Variants in ORC5 observed in about 807,000 individuals in gnomAD.
ORC5 encodes the protein protein phosphatase 1, regulatory subunit 117.
Under a neutral mutation model 58.8 loss-of-function variants are expected in ORC5, and 39 were observed. That is an observed-to-expected ratio of 0.66 (90% CI 0.51 to 0.87). ORC5 has a LOEUF of 0.87. Among genes scored for constraint, ORC5 ranks in the 40% least tolerant of loss-of-function variants. The pLI is 0.00. For missense variants in ORC5, 493 were observed against 506.3 expected, an observed-to-expected ratio of 0.97 and a Z score of 0.25; for synonymous variants, 218 against 177.6, an observed-to-expected ratio of 1.23 and a Z score of -1.81.
At chr7:104,191,719 T>G (rs1053678517) in intron 5 of ORC5, among the ~76,000 whole-genome samples, 1 of 151,124 alleles carries the variant, frequency 6.6e-6, no homozygotes, top group Non-Finnish European at 1.5e-5. Flanking sequence ...TCAAATTCAT[T>G]AAAAAAAAAT....
chr7:104,134,276 ATGG>A (rs1333110030), intron 13 of ORC5, among the ~76,000 whole-genome samples: 1 of 151,766 alleles, frequency 6.6e-6, no homozygotes, highest in Non-Finnish European at 1.5e-5. Context: ...TTAGCCAGGC[ATGG>A]TGGTGTGTGC....
In ORC5 at chr7:104,165,127, A is replaced by C. The variant is rs1799085098; in HGVS notation, c.1038+108T>G. On this transcript the variant is annotated intron_variant, in intron 11 of 13. Coordinates refer to ENST00000297431, the MANE Select transcript of ORC5 (RefSeq NM_002553.4). ...TACAGTATAACGGTACCATATCAAC[A>C]CAAATAAGTTCCTATATTCAAATGA... is the stretch of plus-strand genomic sequence containing the variant. The C allele has an allele frequency of 1.1e-5, 7 of 617,530 alleles. No homozygotes were observed. The East Asian group carries it at 2.1e-4, about 18-fold the overall frequency. The allele number at this position is 617,530 out of a possible 1,614,324, so 38.3% of individuals were successfully genotyped here.
At chr7:104,198,775 G>A (rs1183396983) in intron 3 of ORC5, among the ~76,000 whole-genome samples, 3 of 152,208 alleles carry the variant, frequency 2.0e-5, no homozygotes, top group Non-Finnish European at 2.9e-5. Context: ...CCAAGACAAC[G>A]GGGAAAATGT....
chr7:104,180,359 GTTTT>G (rs956478117), intron 8 of ORC5, among the ~76,000 whole-genome samples: 1 of 152,042 alleles, frequency 6.6e-6, no homozygotes, highest in Non-Finnish European at 1.5e-5. Flanking sequence ...TTTCTTACTA[GTTTT>G]TTATTTTTTA....
chr7:104,195,967 T>C (rs1799791504), intron 4 of ORC5, among the ~76,000 whole-genome samples: 1 of 151,760 alleles, frequency 6.6e-6, no homozygotes, highest in African/African-American at 2.4e-5. Context: ...TTTACTTAGA[T>C]AAATACTTAA....
Position 104,168,188 on chromosome 7 carries a change from A to G in ORC5, c.877+285T>C. The G allele has an allele frequency of 2.6e-6, 2 of 762,000 alleles. 1 individual carries two copies. Among genetic ancestry groups the G allele is most frequent in the Non-Finnish European group, 3.5e-6 (2 of 571,288 alleles). The allele number at this position is 762,000 out of a possible 1,614,324, so 47.2% of individuals were successfully genotyped here. A position where few individuals can be genotyped will look rare whatever the true frequency, so the allele number is the denominator to read the frequency against. Reference sequence around the variant, plus strand: ...TGAGATAAAACTGTCACATAATTAGATTGCTTTAATAAAAGCATTTAAAGA... The same window carrying G: ...TGAGATAAAACTGTCACATAATTAGGTTGCTTTAATAAAAGCATTTAAAGA... On this transcript the variant is annotated intron_variant, in intron 9 of 13. Coordinates refer to ENST00000297431, the MANE Select transcript of ORC5 (RefSeq NM_002553.4).
intron 2 of ORC5, among the ~76,000 whole-genome samples, chr7:104,201,627 T>TAAAA (rs59970161): frequency 7.6e-6 from 1 of 131,398 alleles, no homozygotes; most frequent in Non-Finnish European, 1.6e-5. Context: ...CTGTCACTAT[T>TAAAA]AAAAAAAAAA....
At chr7:104,167,599 A>T (rs1329807242) in intron 9 of ORC5, among the ~76,000 whole-genome samples, 1 of 152,236 alleles carries the variant, frequency 6.6e-6, no homozygotes, top group African/African-American at 2.4e-5. Flanking sequence ...ATATTAAAAC[A>T]GTAGGGTCAT....
At chr7:104,170,816 T>C (rs900118383) in intron 8 of ORC5, among the ~76,000 whole-genome samples, 2 of 152,168 alleles carry the variant, frequency 1.3e-5, no homozygotes, top group African/African-American at 4.8e-5. Context: ...CTCCAATCCA[T>C]TGTTCTTTTC....
chr7:104,127,721 T>A (rs1392624573), intron 13 of ORC5, among the ~76,000 whole-genome samples: 2 of 152,228 alleles, frequency 1.3e-5, no homozygotes, highest in African/African-American at 4.8e-5. Flanking sequence ...TCAATTAATG[T>A]TTTTGTCTAT....
intron 4 of ORC5, among the ~76,000 whole-genome samples, chr7:104,196,398 T>C (rs1485989831): frequency 6.6e-6 from 1 of 152,170 alleles, no homozygotes; most frequent in Non-Finnish European, 1.5e-5. Context: ...AGAAGATAGA[T>C]CTTGAGTCTC....
At chr7:104,173,123 A>G (rs878948984) in intron 8 of ORC5, among the ~76,000 whole-genome samples, 1 of 152,164 alleles carries the variant, frequency 6.6e-6, no homozygotes, top group Admixed American at 6.5e-5. Context: ...CCATCACAAA[A>G]AACTGAAAAA....
intron 5 of ORC5, among the ~76,000 whole-genome samples, chr7:104,191,206 T>C (rs1173041289): frequency 6.6e-6 from 1 of 151,202 alleles, no homozygotes; most frequent in East Asian, 1.9e-4. Context: ...TGTCACTAAG[T>C]TTTTTTAACT....
intron 5 of ORC5, 127 bp from the exon 6 acceptor site, chr7:104,188,508 A>G (rs745731533): frequency 2.6e-5 from 16 of 605,804 alleles, no homozygotes; most frequent in Non-Finnish European, 4.2e-5. Context: ...GAATAATAAA[A>G]CTATTACAAG....
intron 11 of ORC5, among the ~76,000 whole-genome samples, chr7:104,164,689 C>G (rs1014358835): frequency 7.2e-5 from 11 of 152,184 alleles, no homozygotes; most frequent in African/African-American, 2.7e-4. Flanking sequence ...GCTTCTTTCA[C>G]CAGTTTCAAC....
Position 104,165,237 on chromosome 7 carries a change from T to C in ORC5, c.1036A>G (p.Lys346Glu). ...KKTNFLKKHE[K>E]TSNHLLGPKP... The stretch of plus-strand genomic sequence containing the variant: ...ATTAGAAATTAAAATGTAAATACCT[T>C]TTCGTGTTTTTTTAGAAAGTTGGTT... The change falls in exon 11 of 14, where the codon AAG becomes GAG. Residue 346 changes from lysine to glutamate, a missense_variant and splice_region_variant. This residue lies in a region of ORC5 where 412 missense variants were observed against 403.7 expected (regional missense o/e 1.02). Transcript: ENST00000297431. The C allele has an allele frequency of 6.8e-7, 1 of 1,473,994 alleles. No homozygotes were observed. The highest frequency in any genetic ancestry group is 9.3e-7 in the Non-Finnish European group (1 of 1,069,634). The allele number at this position is 1,473,994 out of a possible 1,614,324, so 91.3% of individuals were successfully genotyped here. A position where few individuals can be genotyped will look rare whatever the true frequency, so the allele number is the denominator to read the frequency against.
chr7:104,202,996 T>C (rs748493220), intron 2 of ORC5, among the ~76,000 whole-genome samples: 1 of 152,136 alleles, frequency 6.6e-6, no homozygotes, highest in South Asian at 2.1e-4. Context: ...GGTGCTAAGG[T>C]TGCAAAACAG....
intron 12 of ORC5, among the ~76,000 whole-genome samples, chr7:104,158,874 TTGG>T (rs1325851118): frequency 2.0e-5 from 3 of 151,950 alleles, no homozygotes; most frequent in African/African-American, 7.3e-5. Context: ...TTTTACACTG[TTGG>T]TGGGACTGTA....
intron 10 of ORC5, among the ~76,000 whole-genome samples, chr7:104,166,107 T>C (rs1055068598): frequency 2.0e-5 from 3 of 152,156 alleles, no homozygotes; most frequent in Non-Finnish European, 4.4e-5. Context: ...TAAATTGTTG[T>C]AAGTCCAAAG....
Sources: allele counts gnomAD v4.1 joint callset (sites outside exome capture counted in the v4.1 genomes callset), GRCh38; gene constraint gnomAD v4.1.1; regional missense constraint gnomAD v4.1.1; transcripts MANE v1.5; gene names NCBI Gene and HGNC (gene_info 2026-07-23, HGNC 2026-07-21).